Variants in CACNA1D observed in about 807,000 individuals in gnomAD.
The protein encoded by CACNA1D is calcium voltage-gated channel subunit alpha1 D, also known as voltage-dependent L-type calcium channel subunit alpha-1D.
Under a neutral mutation model 257.1 loss-of-function variants are expected in CACNA1D, and 55 were observed. The observed-to-expected ratio is 0.21, with a 90% CI of 0.17 to 0.27. CACNA1D has a LOEUF of 0.27. Ranked by LOEUF, CACNA1D falls within the 10% of genes least tolerant of loss-of-function variation. The probability of loss-of-function intolerance (pLI) is 1.00; values close to 1 mark genes in which losing one functional copy is unlikely to be tolerated. For missense variants in CACNA1D, 1,876 were observed against 2,784.0 expected (o/e 0.67, Z 7.34); for synonymous variants, 980 against 1,014.9 (o/e 0.97, Z 0.65).
At chr3:53,759,771 G>A (rs1033569363) in intron 29 of CACNA1D, among the ~76,000 whole-genome samples, 2 of 152,256 alleles carry the variant, frequency 1.3e-5, no homozygotes, top group African/African-American at 4.8e-5. Flanking sequence ...CATTGATTCA[G>A]CTGGCTTTCT....
chr3:53,750,177 C>T (rs1057375215), intron 27 of CACNA1D, among the ~76,000 whole-genome samples: 1 of 152,174 alleles, frequency 6.6e-6, no homozygotes, highest in Non-Finnish European at 1.5e-5. Flanking sequence ...AAGTAGGAGC[C>T]TTTTGCTCGG....
intron 40 of CACNA1D, among the ~76,000 whole-genome samples, chr3:53,798,627 A>C (rs915820939): frequency 2.0e-5 from 3 of 152,202 alleles, no homozygotes; most frequent in Non-Finnish European, 2.9e-5. Flanking sequence ...GAATGGTTCA[A>C]ACCAAACCCA....
intron 2 of CACNA1D, among the ~76,000 whole-genome samples, chr3:53,501,162 C>G (rs1181464708): frequency 6.6e-6 from 1 of 152,206 alleles, no homozygotes; most frequent in East Asian, 1.9e-4. Context: ...CCAAGAATAG[C>G]CCCTGAGAAA....
intron 30 of CACNA1D, among the ~76,000 whole-genome samples, chr3:53,769,660 C>G (rs1256350782): frequency 6.6e-6 from 1 of 152,206 alleles, no homozygotes; most frequent in Non-Finnish European, 1.5e-5. Context: ...GAACTAGCCT[C>G]CTCGCGAGAA....
chr3:53,514,944 G>A (rs747127542), intron 3 of CACNA1D, among the ~76,000 whole-genome samples: 3 of 152,186 alleles, frequency 2.0e-5, no homozygotes, highest in Non-Finnish European at 4.4e-5. Context: ...GTTTTGCAGC[G>A]GATCTGGTGA....
intron 3 of CACNA1D, among the ~76,000 whole-genome samples, chr3:53,627,168 C>T (rs1041553133): frequency 6.6e-6 from 1 of 152,224 alleles, no homozygotes; most frequent in Non-Finnish European, 1.5e-5. Context: ...CTCCACCTCA[C>T]AGGTCCCAAT....
chr3:53,649,616 G>A (rs1032424549), intron 3 of CACNA1D, among the ~76,000 whole-genome samples: 25 of 152,158 alleles, frequency 1.6e-4, no homozygotes, highest in African/African-American at 6.0e-4. Context: ...ATTTAGAAGT[G>A]GTGTTCACGT....
intron 3 of CACNA1D, among the ~76,000 whole-genome samples, chr3:53,567,561 G>T (rs2092867542): frequency 6.6e-6 from 1 of 152,082 alleles, no homozygotes; most frequent in Non-Finnish European, 1.5e-5. Flanking sequence ...CTCACCAGAG[G>T]GTGAGCCTCA....
intron 8 of CACNA1D, among the ~76,000 whole-genome samples, chr3:53,685,463 A>C (rs1599231): frequency 0.71 from 108,591 of 152,120 alleles, 40,203 homozygotes; most frequent in East Asian, 0.94. Context: ...TGGTTAATAA[A>C]TTCAGCCAAC....
chr3:53,751,673 C>G lies in CACNA1D; in HGVS notation c.3517-76C>G. 2 of 1,482,608 alleles carry G rather than the reference C, an allele frequency of 1.3e-6. No individual in the cohort carries two copies. Among genetic ancestry groups the G allele is most frequent in the Non-Finnish European group, 1.9e-6 (2 of 1,061,390 alleles). 91.8% of individuals were successfully genotyped at this position (1,482,608 alleles called of 1,614,324 possible). On this transcript the variant is annotated intron_variant, in intron 27 of 47. Coordinates refer to ENST00000350061, the MANE Select transcript of CACNA1D (RefSeq NM_001128840.3). The surrounding 1 kb of genome is among the most constrained non-coding windows in gnomAD (Gnocchi z 4.3). Reference sequence around the variant, plus strand: ...CCGGGAGCTGTAGGGTGAGCTCTTTCAGAGCAGATGACCACGGGGTCCTCC... The same window carrying G: ...CCGGGAGCTGTAGGGTGAGCTCTTTGAGAGCAGATGACCACGGGGTCCTCC...
At chr3:53,737,953 C>T (rs796569668) in intron 20 of CACNA1D, among the ~76,000 whole-genome samples, 36 of 152,366 alleles carry the variant, frequency 2.4e-4, no homozygotes, top group African/African-American at 8.7e-4. Flanking sequence ...GCTCTTGCCT[C>T]AGCAGCCCCA....
intron 23 of CACNA1D, 39 bp from the exon 24 acceptor site, chr3:53,745,585 A>C: frequency 7.1e-7 from 1 of 1,404,292 alleles, no homozygotes; most frequent in Non-Finnish European, 1.0e-6. Context: ...CAAGGCCAAA[A>C]TCACAAAGAA....
At chr3:53,600,884 A>T (rs1470462261) in intron 3 of CACNA1D, among the ~76,000 whole-genome samples, 1 of 152,194 alleles carries the variant, frequency 6.6e-6, no homozygotes, top group Non-Finnish European at 1.5e-5. Flanking sequence ...TGATTGAAAC[A>T]GATAATCCTC....
In CACNA1D at chr3:53,695,898, G is replaced by A. The variant is rs148407796; in HGVS notation, c.1221-6743G>A. Among the ~76,000 whole-genome samples, 206 of 152,188 alleles carry A rather than the reference G, an allele frequency of 1.4e-3. 1 individual carries two copies. Among genetic ancestry groups the A allele is most frequent in the African/African-American group, 4.8e-3 (198 of 41,518 alleles). On this transcript the variant is annotated intron_variant, in intron 8 of 47. Coordinates refer to ENST00000350061, the MANE Select transcript of CACNA1D (RefSeq NM_001128840.3). The stretch of plus-strand genomic sequence containing the variant: ...CCTTGCCTACAGAGAAGCAATCCAG[G>A]TTCCTTAGTTTTGTATTTAAGCCCC...
chr3:53,772,930 C>A, intron 33 of CACNA1D, 32 bp downstream of exon 33: 1 of 1,577,974 alleles, frequency 6.3e-7, no homozygotes, highest in Non-Finnish European at 8.7e-7. Flanking sequence ...CTCAGGGGCC[C>A]TTTCACTGGG....
At position 53,811,212 on chromosome 3, in the gene CACNA1D, G is replaced by A. The variant is rs201630968; in HGVS notation, c.6292G>A (p.Glu2098Lys). The change falls in exon 48 of 48, where the codon GAG becomes AAG. Residue 2098 changes from glutamate (E) to lysine (K), a missense_variant. By Grantham distance (56) the Glu-to-Lys change is moderately conservative (BLOSUM62 1). Transcript: ENST00000350061. This position sits in a 1 kb window ranked among gnomAD's most constrained non-coding sequence, Gnocchi z 4.2. The stretch of plus-strand genomic sequence containing the variant: ...TGATGCCTGTGACCTCACCATCGAC[G>A]AGATGGAGAGTGCAGCCAGCACCCT... ...IADACDLTID[E>K]MESAASTLLN... The A allele has an allele frequency of 1.2e-6, 2 of 1,613,810 alleles. No individual in the cohort carries two copies. The highest frequency in any genetic ancestry group is 1.7e-6 in the Non-Finnish European group (2 of 1,179,778).
intron 3 of CACNA1D, among the ~76,000 whole-genome samples, chr3:53,574,645 T>C (rs2093004385): frequency 6.6e-6 from 1 of 152,060 alleles, no homozygotes; most frequent in Admixed American, 6.6e-5. Context: ...TGGGGAGCTG[T>C]GGCATCTCCC....
At chr3:53,619,402 C>T (rs528446213) in intron 3 of CACNA1D, among the ~76,000 whole-genome samples, 9 of 152,324 alleles carry the variant, frequency 5.9e-5, no homozygotes, top group African/African-American at 2.2e-4. Context: ...GGCTAAGCCT[C>T]AGTGAAACAT....
chr3:53,609,935 G>A (rs1209151291), intron 3 of CACNA1D, among the ~76,000 whole-genome samples: 1 of 151,940 alleles, frequency 6.6e-6, no homozygotes, highest in Non-Finnish European at 1.5e-5. Flanking sequence ...AGTTTTTTTG[G>A]TATGTTGCAT....
Sources: gnomAD v4.1 joint callset for allele counts (sites outside exome capture counted in the v4.1 genomes callset) on GRCh38, gnomAD v4.1.1 for gene constraint, Gnocchi (gnomAD v3.1) non-coding constraint, MANE v1.5 for transcripts, NCBI Gene and HGNC (gene_info 2026-07-23, HGNC 2026-07-21) for gene names.